The following KIRREL3 variants were observed in gnomAD, a reference collection of about 807,000 sequenced individuals.
The protein encoded by KIRREL3 is kirre like nephrin family adhesion molecule 3, also known as kin of IRRE-like protein 3.
KIRREL3 carries 36 observed loss-of-function variants against 89.7 expected under a neutral mutation model. The observed-to-expected ratio is 0.40, with a 90% CI of 0.31 to 0.53. The LOEUF is 0.53. KIRREL3 is among the 20% of genes least tolerant of loss of function. The pLI is 0.49. For missense variants in KIRREL3, 864 were observed against 1,056.6 expected (o/e 0.82, Z 2.53); for synonymous variants, 445 against 441.4 (o/e 1.01, Z -0.10).
chr11:126,987,994 CT>C lies in KIRREL3; in HGVS notation c.55+12460del, dbSNP rs1443206288. ...ATTCTAAGAGTCTTTTTATTTCCCCCTAATAACCATTATTAATCATTTCAGA... is the reference window on the plus strand; with the variant it reads ...ATTCTAAGAGTCTTTTTATTTCCCCCAATAACCATTATTAATCATTTCAGA... On this transcript the variant is annotated intron_variant, in intron 1 of 16. Transcript: ENST00000525144. The surrounding 1 kb of genome is among the most constrained non-coding windows in gnomAD (Gnocchi z 4.6). Among the ~76,000 whole-genome samples, 3 of 152,124 alleles carry C rather than the reference CT, an allele frequency of 2.0e-5. No individual in the cohort carries two copies. Among genetic ancestry groups the C allele is most frequent in the Non-Finnish European group, 4.4e-5 (3 of 68,024 alleles).
Position 126,429,366 on chromosome 11 carries a change from G to A in KIRREL3, c.1697-78C>T, listed in dbSNP as rs1955048543. ...ATGTCAAGCTCCCTTGCAGTCCCCT[G>A]CCCCTGCCCTGCCACCCTCTGCATT... On this transcript the variant is annotated intron_variant, in intron 14 of 16. Coordinates refer to ENST00000525144, the MANE Select transcript of KIRREL3 (RefSeq NM_032531.4). This position sits in a 1 kb window ranked among gnomAD's most constrained non-coding sequence, Gnocchi z 5.2. 2.0e-6 allele frequency: 2 copies of A among 984,248 alleles called. No homozygotes were observed. Among genetic ancestry groups the A allele is most frequent in the Non-Finnish European group, 3.2e-6 (2 of 627,346 alleles). 61.0% of individuals were successfully genotyped at this position (984,248 alleles called of 1,614,324 possible). A position where few individuals can be genotyped will look rare whatever the true frequency, so the allele number is the denominator to read the frequency against.
Position 126,615,564 on chromosome 11 carries a change from T to A in KIRREL3, c.56-52652A>T, listed in dbSNP as rs1943308817. Among the ~76,000 whole-genome samples the A allele has an allele frequency of 6.6e-6, 1 of 151,960 alleles. No homozygotes were observed. Among genetic ancestry groups the A allele is most frequent in the African/African-American group, 2.4e-5 (1 of 41,358 alleles). On this transcript the variant is annotated intron_variant, in intron 1 of 16. Transcript: ENST00000525144. This position sits in a 1 kb window ranked among gnomAD's most constrained non-coding sequence, Gnocchi z 5.4. ...ATCCTGCCCACCAGGATCCTGGAGG[T>A]ATTCAAGCTGAAGATAGACAACCAC...
At position 126,811,690 on chromosome 11, in the gene KIRREL3, G is replaced by A. The variant is rs1192931998; in HGVS notation, c.55+188765C>T. On this transcript the variant is annotated intron_variant, in intron 1 of 16. Transcript: ENST00000525144. The surrounding 1 kb of genome is among the most constrained non-coding windows in gnomAD (Gnocchi z 4.3). Reference sequence around the variant, plus strand: ...CAACCTCTGCCTCCTAGGTTCAAGAGATTACTCTGCTTCAGCCTCCCAAGT... The same window carrying A: ...CAACCTCTGCCTCCTAGGTTCAAGAAATTACTCTGCTTCAGCCTCCCAAGT... Among the ~76,000 whole-genome samples, 2 of 152,184 alleles carry A rather than the reference G, an allele frequency of 1.3e-5. No individual in the cohort carries two copies. Among genetic ancestry groups the A allele is most frequent in the Non-Finnish European group, 1.5e-5 (1 of 68,014 alleles).
rs555391767 is a variant in KIRREL3, at chr11:126,520,648, C to T, written c.433+667G>A. Among the ~76,000 whole-genome samples the T allele has an allele frequency of 2.0e-5, 3 of 152,250 alleles. No individual in the cohort carries two copies. Among genetic ancestry groups the T allele is most frequent in the African/African-American group, 4.8e-5 (2 of 41,526 alleles). The stretch of plus-strand genomic sequence containing the variant: ...AGAACTAGGCGGTTTAAGAGGTCAC[C>T]GAGCCCATTCCCCTGTCTTCAGGCA... On this transcript the variant is annotated intron_variant, in intron 4 of 16. Coordinates refer to ENST00000525144, the MANE Select transcript of KIRREL3 (RefSeq NM_032531.4). This position sits in a 1 kb window ranked among gnomAD's most constrained non-coding sequence, Gnocchi z 4.9.
chr11:126,693,444 A>G (rs976274621), intron 1 of KIRREL3, among the ~76,000 whole-genome samples: 1 of 152,122 alleles, frequency 6.6e-6, no homozygotes, highest in Non-Finnish European at 1.5e-5. Flanking sequence ...CAAACAAACA[A>G]AAAAACAACA....
rs114800088 is a variant in KIRREL3 at position 126,501,040 on chromosome 11, C to T, written c.433+20275G>A. On this transcript the variant is annotated intron_variant, in intron 4 of 16. Coordinates refer to ENST00000525144, the MANE Select transcript of KIRREL3 (RefSeq NM_032531.4). The surrounding 1 kb of genome is among the most constrained non-coding windows in gnomAD (Gnocchi z 5.8). Reference sequence around the variant, plus strand: ...CCTCCACCCGCTGCCGAGACATCTCCGTGTAGCTTTCCTGGCTCTGCCTCT... The same window carrying T: ...CCTCCACCCGCTGCCGAGACATCTCTGTGTAGCTTTCCTGGCTCTGCCTCT... 6.3e-3 allele frequency among the ~76,000 whole-genome samples: 964 copies of T among 152,324 alleles called. 4 individuals carry two copies. Among genetic ancestry groups the T allele is most frequent in the African/African-American group, 0.021 (868 of 41,582 alleles).
intron 1 of KIRREL3, among the ~76,000 whole-genome samples, chr11:126,974,669 C>T (rs10466609): frequency 6.6e-6 from 1 of 151,898 alleles, no homozygotes; most frequent in Non-Finnish European, 1.5e-5. Flanking sequence ...CACACCTAGG[C>T]TACATGGTAT....
chr11:126,629,498 G>C (rs1276097489), intron 1 of KIRREL3, among the ~76,000 whole-genome samples: 1 of 152,180 alleles, frequency 6.6e-6, no homozygotes, highest in African/African-American at 2.4e-5. Context: ...CAGAGCAGCT[G>C]TGAGGGACTT....
intron 8 of KIRREL3, among the ~76,000 whole-genome samples, chr11:126,447,367 C>A (rs192567653): frequency 2.3e-3 from 356 of 152,308 alleles, no homozygotes; most frequent in Non-Finnish European, 4.3e-3. Context: ...CAGCCTCAGC[C>A]TTCATGACCT....
chr11:126,515,762 T>C lies in KIRREL3; in HGVS notation c.433+5553A>G, dbSNP rs1958390917. Among the ~76,000 whole-genome samples, 1 of 152,096 alleles carries C rather than the reference T, an allele frequency of 6.6e-6. No individual in the cohort carries two copies. Among genetic ancestry groups the C allele is most frequent in the South Asian group, 2.1e-4 (1 of 4,822 alleles). On this transcript the variant is annotated intron_variant, in intron 4 of 16. Transcript: ENST00000525144. This position sits in a 1 kb window ranked among gnomAD's most constrained non-coding sequence, Gnocchi z 4.2. ...GCCTTGTGTGGCCTGGCAGGGAGCTTGGGTTTTGTTCTGTGGGGACACTTT... is the reference window on the plus strand; with the variant it reads ...GCCTTGTGTGGCCTGGCAGGGAGCTCGGGTTTTGTTCTGTGGGGACACTTT...
chr11:126,865,501 C>T (rs1042077184), intron 1 of KIRREL3, among the ~76,000 whole-genome samples: 2 of 152,236 alleles, frequency 1.3e-5, no homozygotes, highest in Non-Finnish European at 2.9e-5. Context: ...CTTGCACACC[C>T]TGCAGGGCCA....
In KIRREL3 at chr11:126,805,501, G is replaced by A. The variant is rs1000681799; in HGVS notation, c.55+194954C>T. Among the ~76,000 whole-genome samples, 6 of 152,152 alleles carry A rather than the reference G, an allele frequency of 3.9e-5. No homozygotes were observed. The highest frequency in any genetic ancestry group is 2.1e-4 in the South Asian group (1 of 4,830). Reference sequence around the variant, plus strand: ...TGAACCCCAAGGTTCAGTCAGGTGCGCTGTCCCATCACAGGAAAAGAAACC... The same window carrying A: ...TGAACCCCAAGGTTCAGTCAGGTGCACTGTCCCATCACAGGAAAAGAAACC... On this transcript the variant is annotated intron_variant, in intron 1 of 16. Transcript: ENST00000525144. This position sits in a 1 kb window ranked among gnomAD's most constrained non-coding sequence, Gnocchi z 4.3.
In KIRREL3 at chr11:126,606,763, G is replaced by A. The variant is rs1302928807; in HGVS notation, c.56-43851C>T. ...GACATTCTCCTTGAACTCTGCAGGGGCCTTAAAACATCCCTAAGTGCCATA... is the reference window on the plus strand; with the variant it reads ...GACATTCTCCTTGAACTCTGCAGGGACCTTAAAACATCCCTAAGTGCCATA... On this transcript the variant is annotated intron_variant, in intron 1 of 16. Transcript: ENST00000525144. The surrounding 1 kb of genome is among the most constrained non-coding windows in gnomAD (Gnocchi z 4.6). 6.6e-6 allele frequency among the ~76,000 whole-genome samples: 1 copy of A among 152,128 alleles called. No individual in the cohort carries two copies. The highest frequency in any genetic ancestry group is 1.5e-5 in the Non-Finnish European group (1 of 68,026).
At chr11:126,962,783 T>G (rs1949132197) in intron 1 of KIRREL3, among the ~76,000 whole-genome samples, 1 of 152,160 alleles carries the variant, frequency 6.6e-6, no homozygotes, top group Non-Finnish European at 1.5e-5. Context: ...GGTCTTATTT[T>G]AAGAAATTGC....
chr11:126,505,422 T>G (rs1248817518), intron 4 of KIRREL3, among the ~76,000 whole-genome samples: 1 of 151,934 alleles, frequency 6.6e-6, no homozygotes, highest in Non-Finnish European at 1.5e-5. Flanking sequence ...ATATGAAAAA[T>G]TAGCCAGGCG....
In KIRREL3 at chr11:126,423,385, T is replaced by G. The variant is rs1954799667; in HGVS notation, c.*1195A>C. 1 of 152,172 alleles carries G rather than the reference T, an allele frequency of 6.6e-6. No homozygotes were observed. The highest frequency in any genetic ancestry group is 1.5e-5 in the Non-Finnish European group (1 of 68,046). 9.4% of individuals were successfully genotyped at this position (152,172 alleles called of 1,614,324 possible). On this transcript the variant is annotated 3_prime_UTR_variant, in exon 17 of 17. Transcript: ENST00000525144. ...AGAGCTATCAACTGCCTTTATTGTC[T>G]AGGAAGATTGAATCAAAGGAGGGCA...
chr11:126,448,069 G>A (rs1354820831), intron 8 of KIRREL3, among the ~76,000 whole-genome samples: 3 of 151,978 alleles, frequency 2.0e-5, no homozygotes, highest in Admixed American at 1.3e-4. Flanking sequence ...GGTAGATCAC[G>A]AGGTCAGGAG....
Position 126,740,146 on chromosome 11 carries a change from G to T in KIRREL3, c.56-177234C>A, listed in dbSNP as rs184972576. ...TTTCTTCCCTCCTTCTTTTATTTAA[G>T]TCATTGCTCTATTTTCAAGATATTA... On this transcript the variant is annotated intron_variant, in intron 1 of 16. Transcript: ENST00000525144. This position sits in a 1 kb window ranked among gnomAD's most constrained non-coding sequence, Gnocchi z 6.0. 5.8e-4 allele frequency among the ~76,000 whole-genome samples: 88 copies of T among 152,172 alleles called. No homozygotes were observed. Among genetic ancestry groups the T allele is most frequent in the Non-Finnish European group, 8.4e-4 (57 of 67,994 alleles).
At chr11:126,895,061 C>A (rs1946095009) in intron 1 of KIRREL3, among the ~76,000 whole-genome samples, 1 of 152,134 alleles carries the variant, frequency 6.6e-6, no homozygotes, top group Non-Finnish European at 1.5e-5. Flanking sequence ...GGCTTTAAAA[C>A]AAGGAGCTCC....
Sources: allele counts gnomAD v4.1 joint callset (sites outside exome capture counted in the v4.1 genomes callset), GRCh38; gene constraint gnomAD v4.1.1; non-coding constraint Gnocchi (gnomAD v3.1); transcripts MANE v1.5; gene names NCBI Gene and HGNC (gene_info 2026-07-23, HGNC 2026-07-21).